Variants in DMD observed in about 807,000 individuals in gnomAD.
DMD encodes the protein dystrophin.
A neutral mutation model predicts 330.1 loss-of-function variants in DMD; 63 were observed. That is an observed-to-expected ratio of 0.19 (90% CI 0.16 to 0.24). The LOEUF (loss-of-function observed/expected upper bound fraction) is 0.24, where lower values mean the gene tolerates loss of function less well. Among genes scored for constraint, DMD ranks in the 10% least tolerant of loss-of-function variants. DMD has a pLI of 1.00. For synonymous variants in DMD, 1,223 were observed against 959.8 expected (o/e 1.27, Z -5.07); for missense variants, 3,344 against 2,684.1 (o/e 1.25, Z -5.43).
chrX:31,389,951 T>C (rs1167602861), intron 60 of DMD, among the ~76,000 whole-genome samples: 2 of 111,850 alleles, frequency 1.8e-5, no homozygotes, highest in Non-Finnish European at 3.8e-5. Context: ...CAAGCCCTCA[T>C]GACAGCTGAG....
At chrX:33,065,457 T>G (rs1238400847) in intron 1 of DMD, among the ~76,000 whole-genome samples, 1 of 112,481 alleles carries the variant, frequency 8.9e-6, no homozygotes, top group African/African-American at 3.2e-5. Context: ...TTTACAGAAA[T>G]TTACATGTAT....
chrX:32,832,400 G>A (rs1430004046), intron 4 of DMD, among the ~76,000 whole-genome samples: 1 of 111,164 alleles, frequency 9.0e-6, no homozygotes, highest in East Asian at 2.8e-4. Flanking sequence ...CCTCAAGCAT[G>A]TACTTCCACC....
chrX:31,677,889 C>CT (rs2082165201), intron 53 of DMD, among the ~76,000 whole-genome samples: 1 of 112,360 alleles, frequency 8.9e-6, no homozygotes, highest in Non-Finnish European at 1.9e-5. Context: ...AGAACAAGTT[C>CT]TGTGTGATGG....
intron 57 of DMD, 119 bp downstream of exon 57, chrX:31,496,669 G>A (rs1796429190): frequency 2.4e-6 from 2 of 847,944 alleles, no homozygotes; most frequent in Non-Finnish European, 3.4e-6. Flanking sequence ...TGACCCTTGG[G>A]TGAGAAGAGT....
At chrX:32,999,888 A>G (rs746298827) in intron 2 of DMD, among the ~76,000 whole-genome samples, 1 of 112,977 alleles carries the variant, frequency 8.9e-6, no homozygotes, top group South Asian at 3.6e-4. Flanking sequence ...GCACAGATCC[A>G]TTGTTGCATA....
chrX:31,865,395 A>G (rs1387662221), intron 48 of DMD, among the ~76,000 whole-genome samples: 2 of 112,098 alleles, frequency 1.8e-5, no homozygotes, highest in Non-Finnish European at 3.8e-5. Flanking sequence ...CCAATATAAA[A>G]CACTGAAACT....
intron 2 of DMD, among the ~76,000 whole-genome samples, chrX:32,887,767 AAAAAAAAAAC>A (rs1234393060): frequency 1.4e-3 from 145 of 102,589 alleles, no homozygotes; most frequent in African/African-American, 4.9e-3. Context: ...AAAAAAAAAA[AAAAAAAAAAC>A]ATCAACTAAA....
At chrX:32,136,230 A>C (rs2146987467) in intron 44 of DMD, among the ~76,000 whole-genome samples, 1 of 112,599 alleles carries the variant, frequency 8.9e-6, no homozygotes, top group Admixed American at 9.4e-5. Flanking sequence ...TGTCTTTTCA[A>C]CTTCTGGTTC....
At chrX:31,298,309 C>A (rs905187787) in intron 62 of DMD, among the ~76,000 whole-genome samples, 1 of 110,720 alleles carries the variant, frequency 9.0e-6, no homozygotes, top group Non-Finnish European at 1.9e-5. Context: ...CAATATGGTG[C>A]TCTTTTATGC....
Position 32,884,191 on chromosome X carries a change from C to T in DMD, c.94-34371G>A, listed in dbSNP as rs141421200. On this transcript the variant is annotated intron_variant, in intron 2 of 78. Coordinates refer to ENST00000357033, the MANE Select transcript of DMD (RefSeq NM_004006.3). Reference sequence around the variant, plus strand: ...AGTAGGGTGACATAGGAAAGTAACTCATCCGAAAAGATTTTCTTTAGTGGT... The same window carrying T: ...AGTAGGGTGACATAGGAAAGTAACTTATCCGAAAAGATTTTCTTTAGTGGT... Among the ~76,000 whole-genome samples the T allele has an allele frequency of 6.9e-3, 767 of 111,185 alleles. 6 individuals are homozygous for T. Among genetic ancestry groups the T allele is most frequent in the African/African-American group, 0.024 (742 of 30,588 alleles).
chrX:32,358,517 C>T (rs762600684), intron 37 of DMD, among the ~76,000 whole-genome samples: 1 of 111,762 alleles, frequency 8.9e-6, no homozygotes, highest in Non-Finnish European at 1.9e-5. Context: ...ATTGATTTCA[C>T]ATAGATTACG....
chrX:31,674,283 A>G lies in DMD; in HGVS notation c.7872+5092T>C, dbSNP rs2081963656. On this transcript the variant is annotated intron_variant, in intron 53 of 78. Transcript: ENST00000357033. ...TTGAAAAATGTCTCCCTTTTTAGTA[A>G]AATAATTTGAGACACTCAAATAGCT... 2.7e-5 allele frequency among the ~76,000 whole-genome samples: 3 copies of G among 112,342 alleles called. No individual in the cohort carries two copies. The Admixed American group carries it at 2.8e-4, about 11-fold the overall frequency.
Position 32,119,757 on chromosome X carries a change from C to G in DMD, c.6438+97159G>C, listed in dbSNP as rs150971688. 6.9e-3 allele frequency among the ~76,000 whole-genome samples: 772 copies of G among 112,216 alleles called. 5 individuals carry two copies. Among genetic ancestry groups the G allele is most frequent in the African/African-American group, 0.024 (728 of 30,930 alleles). ...AAGGTCCTCAGCCTCCAGAAACTTA[C>G]TTTTGTCTTAACCACATCTGATTGA... is the stretch of plus-strand genomic sequence containing the variant. On this transcript the variant is annotated intron_variant, in intron 44 of 78. Coordinates refer to ENST00000357033, the MANE Select transcript of DMD (RefSeq NM_004006.3).
In DMD at chrX:33,141,192, C is replaced by CA. The variant is rs778256338; in HGVS notation, c.31+70089dup. 2.7e-5 allele frequency among the ~76,000 whole-genome samples: 3 copies of CA among 111,497 alleles called. No homozygotes were observed. In the South Asian group the frequency reaches 1.1e-3, roughly 42 times the overall value. On this transcript the variant is annotated intron_variant, in intron 1 of 78. Coordinates refer to ENST00000357033, the MANE Select transcript of DMD (RefSeq NM_004006.3). ...TCGAACTCAGCAAACAGCCTGGCTCCAGAACCCATGCGTCTGATAACTGCT... is the reference window on the plus strand; with the variant it reads ...TCGAACTCAGCAAACAGCCTGGCTCCAAGAACCCATGCGTCTGATAACTGCT...
chrX:32,917,176 C>A (rs1453911171), intron 2 of DMD, among the ~76,000 whole-genome samples: 1 of 103,177 alleles, frequency 9.7e-6, no homozygotes, highest in African/African-American at 3.6e-5. Context: ...CCCCCACATC[C>A]CCCAGCTCCT....
intron 37 of DMD, among the ~76,000 whole-genome samples, chrX:32,349,547 C>G (rs1049208576): frequency 9.0e-6 from 1 of 111,340 alleles, no homozygotes; most frequent in Non-Finnish European, 1.9e-5. Flanking sequence ...CCCCACCTAC[C>G]CTTCTCCAGT....
chrX:31,153,452 A>C (rs1202295389), intron 74 of DMD, among the ~76,000 whole-genome samples: 1 of 107,411 alleles, frequency 9.3e-6, no homozygotes, highest in East Asian at 2.9e-4. Flanking sequence ...AAGCCCACTA[A>C]TTTAGCCCCA....
At chrX:31,947,492 A>G (rs73619019) in intron 45 of DMD, among the ~76,000 whole-genome samples, 13,868 of 111,400 alleles carry the variant, frequency 0.12, 802 homozygotes, top group African/African-American at 0.22. Flanking sequence ...ATAATTAACA[A>G]ACAGATCTTC....
At chrX:33,137,419 C>A (rs1409734819) in intron 1 of DMD, among the ~76,000 whole-genome samples, 4 of 111,691 alleles carry the variant, frequency 3.6e-5, no homozygotes, top group African/African-American at 1.3e-4. Context: ...TAGGAACGGA[C>A]AAATTAGAAA....
Sources: allele counts gnomAD v4.1 joint callset (sites outside exome capture counted in the v4.1 genomes callset), GRCh38; gene constraint gnomAD v4.1.1; transcripts MANE v1.5; gene names NCBI Gene and HGNC (gene_info 2026-07-23, HGNC 2026-07-21).